The following PDE7B variants were observed in gnomAD, a reference collection of about 807,000 sequenced individuals.
The protein encoded by PDE7B is 3',5'-cyclic-AMP phosphodiesterase 7B.
Under a neutral mutation model 56.2 loss-of-function variants are expected in PDE7B, and 29 were observed. That is an observed-to-expected ratio of 0.52 (90% CI 0.38 to 0.70). The LOEUF (loss-of-function observed/expected upper bound fraction) is 0.70, where lower values mean the gene tolerates loss of function less well. PDE7B is among the 30% of genes least tolerant of loss of function. The pLI, the probability that PDE7B is intolerant of heterozygous loss-of-function variation, is 0.00. For synonymous variants in PDE7B, 197 were observed against 196.9 expected, an observed-to-expected ratio of 1.00 and a Z score of 0.00; for missense variants, 490 against 565.0, an observed-to-expected ratio of 0.87 and a Z score of 1.35.
At chr6:135,868,020 TA>T (rs1004997750) in intron 1 of PDE7B, among the ~76,000 whole-genome samples, 13 of 152,248 alleles carry the variant, frequency 8.5e-5, no homozygotes, top group Non-Finnish European at 1.8e-4. Context: ...TGTGTTGAAT[TA>T]AAAAAAATTT....
intron 2 of PDE7B, among the ~76,000 whole-genome samples, chr6:136,025,997 T>C (rs761412778): frequency 2.6e-5 from 4 of 152,224 alleles, no homozygotes; most frequent in Non-Finnish European, 4.4e-5. Context: ...AGCTGTCCAA[T>C]GTCTTGGGTA....
rs564848697 is a variant in PDE7B at position 135,917,104 on chromosome 6, T to G, written c.22-30360T>G. Among the ~76,000 whole-genome samples, 3 of 152,330 alleles carry G rather than the reference T, an allele frequency of 2.0e-5. No individual in the cohort carries two copies. The East Asian group carries it at 5.8e-4, about 29-fold the overall frequency. On this transcript the variant is annotated intron_variant, in intron 1 of 12. Coordinates refer to ENST00000308191, the MANE Select transcript of PDE7B (RefSeq NM_018945.4). ...ATACATAAAATTTTGTGTGTGTGCA[T>G]GGTAAAGTAATACTACATTATTACG...
intron 12 of PDE7B, among the ~76,000 whole-genome samples, chr6:136,189,500 G>A (rs1370956177): frequency 3.3e-5 from 5 of 152,176 alleles, no homozygotes; most frequent in Admixed American, 3.3e-4. Context: ...GAGCCCAAGG[G>A]GTCAAGGCTG....
chr6:135,984,518 G>A (rs1361382445), intron 2 of PDE7B, among the ~76,000 whole-genome samples: 5 of 152,054 alleles, frequency 3.3e-5, no homozygotes, highest in Non-Finnish European at 7.4e-5. Context: ...CCAATTAAAG[G>A]AGTCACCTGG....
At chr6:136,141,594 C>T (rs371123265) in intron 3 of PDE7B, among the ~76,000 whole-genome samples, 3 of 152,102 alleles carry the variant, frequency 2.0e-5, no homozygotes, top group Non-Finnish European at 4.4e-5. Flanking sequence ...TCCATCTGGT[C>T]CTGGACTTTT....
At chr6:135,941,560 T>C (rs1399107121) in intron 1 of PDE7B, among the ~76,000 whole-genome samples, 5 of 152,214 alleles carry the variant, frequency 3.3e-5, no homozygotes, top group African/African-American at 1.2e-4. Context: ...GCTTGGTGAG[T>C]CAATTTCACA....
intron 1 of PDE7B, among the ~76,000 whole-genome samples, chr6:135,935,985 G>A (rs1774413361): frequency 6.6e-6 from 1 of 152,180 alleles, no homozygotes; most frequent in African/African-American, 2.4e-5. Flanking sequence ...TAAACAACAT[G>A]CCCTTCTCCC....
chr6:136,110,643 C>T (rs1031005603), intron 3 of PDE7B, among the ~76,000 whole-genome samples: 1 of 150,948 alleles, frequency 6.6e-6, no homozygotes, highest in African/African-American at 2.4e-5. Context: ...AACTTTACTG[C>T]TAATGGTGGT....
At chr6:135,992,184 A>T (rs1459740293) in intron 2 of PDE7B, among the ~76,000 whole-genome samples, 1 of 150,846 alleles carries the variant, frequency 6.6e-6, no homozygotes. Flanking sequence ...CATAAAATAC[A>T]CTAATACTAA....
chr6:135,853,148 T>A (rs1374160963), intron 1 of PDE7B, among the ~76,000 whole-genome samples: 5 of 152,228 alleles, frequency 3.3e-5, no homozygotes, highest in African/African-American at 1.2e-4. Flanking sequence ...TTATTTGAAA[T>A]CCTTACCCTG....
chr6:136,103,172 T>C (rs1367347516), intron 2 of PDE7B, among the ~76,000 whole-genome samples: 4 of 152,126 alleles, frequency 2.6e-5, no homozygotes, highest in Admixed American at 1.3e-4. Flanking sequence ...ACTTAGCCAG[T>C]TCAGCACATA....
At chr6:136,153,649 A>C (rs1778560170) in intron 6 of PDE7B, among the ~76,000 whole-genome samples, 1 of 152,216 alleles carries the variant, frequency 6.6e-6, no homozygotes. Flanking sequence ...TTTGGATATC[A>C]GTATTCTGAT....
chr6:135,916,387 T>TCTTC (rs1562438223), intron 1 of PDE7B, among the ~76,000 whole-genome samples: 5 of 108,970 alleles, frequency 4.6e-5, no homozygotes, highest in Non-Finnish European at 8.5e-5. Context: ...TCTTTTCTTT[T>TCTTC]CTTTCTTTTT....
chr6:136,086,009 C>T (rs1170453977), intron 2 of PDE7B, among the ~76,000 whole-genome samples: 4 of 152,146 alleles, frequency 2.6e-5, no homozygotes, highest in Non-Finnish European at 5.9e-5. Context: ...GCTTTATTGG[C>T]CAAGTTTTAC....
intron 3 of PDE7B, 27 bp downstream of exon 3, chr6:136,108,841 G>T: frequency 7.5e-7 from 1 of 1,337,690 alleles, no homozygotes; most frequent in Non-Finnish European, 1.1e-6. Flanking sequence ...ACCTGGAAAG[G>T]AACAAACGTT....
At chr6:136,162,428 G>A (rs535389970) in intron 8 of PDE7B, 1 of 152,128 alleles carries the variant, frequency 6.6e-6, no homozygotes, top group Non-Finnish European at 1.5e-5. Context: ...AACAGCATGG[G>A]GGACCACCCC....
At chr6:135,894,199 G>A (rs1386722820) in intron 1 of PDE7B, among the ~76,000 whole-genome samples, 1 of 152,138 alleles carries the variant, frequency 6.6e-6, no homozygotes, top group Non-Finnish European at 1.5e-5. Context: ...TAGAGTTTGG[G>A]AAGGCTTATT....
chr6:135,871,057 C>T (rs923653626), intron 1 of PDE7B, among the ~76,000 whole-genome samples: 2 of 152,124 alleles, frequency 1.3e-5, no homozygotes, highest in Non-Finnish European at 2.9e-5. Context: ...CCAGTTTGGA[C>T]CCTGATGACA....
At chr6:136,008,367 T>C (rs1775825962) in intron 2 of PDE7B, among the ~76,000 whole-genome samples, 1 of 152,202 alleles carries the variant, frequency 6.6e-6, no homozygotes, top group Non-Finnish European at 1.5e-5. Flanking sequence ...GATTGCTGGG[T>C]CAAATGGTAT....
Sources: allele counts gnomAD v4.1 joint callset (sites outside exome capture counted in the v4.1 genomes callset), GRCh38; gene constraint gnomAD v4.1.1; transcripts MANE v1.5; gene names NCBI Gene and HGNC (gene_info 2026-07-23, HGNC 2026-07-21).